The following MID1 variants were observed in gnomAD, a reference collection of about 807,000 sequenced individuals.
MID1 encodes the protein E3 ubiquitin-protein ligase Midline-1.
Under a neutral mutation model 40.4 loss-of-function variants are expected in MID1, and 7 were observed. The observed-to-expected ratio is 0.17, with a 90% CI of 0.10 to 0.33. The LOEUF (loss-of-function observed/expected upper bound fraction) is 0.33, where lower values mean the gene tolerates loss of function less well. Among genes scored for constraint, MID1 ranks in the 10% least tolerant of loss-of-function variants. The pLI is 1.00. For missense variants in MID1, 367 were observed against 558.5 expected, an observed-to-expected ratio of 0.66 and a Z score of 3.46; for synonymous variants, 229 against 221.2, an observed-to-expected ratio of 1.04 and a Z score of -0.31.
chrX:10,649,105 G>A (rs190974159), intron 1 of MID1, among the ~76,000 whole-genome samples: 2 of 111,502 alleles, frequency 1.8e-5, no homozygotes, highest in African/African-American at 6.5e-5. Flanking sequence ...ATAAGTATGG[G>A]GAAATGGCTT....
At chrX:10,450,508 C>CTATT (rs1018745996) in intron 9 of MID1, among the ~76,000 whole-genome samples, 4 of 112,376 alleles carry the variant, frequency 3.6e-5, no homozygotes, top group African/African-American at 1.3e-4. Flanking sequence ...TCAGTAACTG[C>CTATT]TATTTATTTT....
intron 1 of MID1, among the ~76,000 whole-genome samples, chrX:10,735,929 C>A (rs190563048): frequency 5.3e-4 from 59 of 111,316 alleles, no homozygotes; most frequent in Middle Eastern, 9.3e-3. Flanking sequence ...ACTGCACCAG[C>A]CTATATAGTT....
At chrX:10,675,923 T>C (rs1217115596) in intron 1 of MID1, among the ~76,000 whole-genome samples, 15 of 112,011 alleles carry the variant, frequency 1.3e-4, no homozygotes, top group Non-Finnish European at 5.6e-5. Flanking sequence ...ATAAAGTTCT[T>C]CAAGTTCCAT....
At chrX:10,465,214 TAC>T (rs775197915) in intron 7 of MID1, among the ~76,000 whole-genome samples, 3,940 of 39,675 alleles carry the variant, frequency 0.099, 194 homozygotes, top group Non-Finnish European at 0.12. Flanking sequence ...TATATATATA[TAC>T]ACACACACAC....
At chrX:10,614,067 A>G (rs1209278891) in intron 1 of MID1, among the ~76,000 whole-genome samples, 1 of 110,165 alleles carries the variant, frequency 9.1e-6, no homozygotes, top group African/African-American at 3.3e-5. Context: ...TGGGGATTCA[A>G]AGGTAATTAA....
intron 2 of MID1, among the ~76,000 whole-genome samples, chrX:10,535,994 A>G (rs1367973730): frequency 9.0e-6 from 1 of 110,787 alleles, no homozygotes; most frequent in Non-Finnish European, 1.9e-5. Flanking sequence ...CCAAGGCTGG[A>G]GGATCACTTG....
At chrX:10,722,642 C>G (rs1390864443) in intron 1 of MID1, among the ~76,000 whole-genome samples, 2 of 111,634 alleles carry the variant, frequency 1.8e-5, no homozygotes, top group Non-Finnish European at 3.8e-5. Context: ...TTTATGATAT[C>G]AGCAGAAATT....
At position 10,710,054 on chromosome X, in the gene MID1, T is replaced by C. The variant is rs965338864; in HGVS notation, c.-186-89635A>G. Among the ~76,000 whole-genome samples the C allele has an allele frequency of 4.5e-5, 5 of 111,668 alleles. No individual in the cohort carries two copies. The Admixed American group carries it at 4.8e-4, about 11-fold the overall frequency. On this transcript the variant is annotated intron_variant, in intron 1 of 10. Transcript: ENST00000380785. ...GTCTAGCCATTGGGGGAAGATTATG[T>C]GTCTGGGGTTGTCTGGGGAAAGAAG...
At chrX:10,720,667 G>A (rs1338697822) in intron 1 of MID1, among the ~76,000 whole-genome samples, 1 of 111,625 alleles carries the variant, frequency 9.0e-6, no homozygotes, top group Non-Finnish European at 1.9e-5. Flanking sequence ...AGAACTAGAA[G>A]TACCATTTGA....
intron 1 of MID1, among the ~76,000 whole-genome samples, chrX:10,591,470 A>G (rs1038311752): frequency 2.7e-5 from 3 of 112,159 alleles, no homozygotes; most frequent in African/African-American, 9.7e-5. Context: ...AGTTAGTTTC[A>G]CAACTTTAGT....
At chrX:10,487,157 G>A (rs1930661252) in intron 4 of MID1, among the ~76,000 whole-genome samples, 1 of 111,801 alleles carries the variant, frequency 8.9e-6, no homozygotes, top group African/African-American at 3.3e-5. Flanking sequence ...ACCACACCTG[G>A]TGGTAAAATA....
At chrX:10,473,409 A>T (rs968282200) in intron 6 of MID1, among the ~76,000 whole-genome samples, 5 of 112,157 alleles carry the variant, frequency 4.5e-5, no homozygotes, top group African/African-American at 1.6e-4. Flanking sequence ...ATAAGATAAG[A>T]AGTTTGTGGA....
At chrX:10,760,911 G>A (rs58245235) in intron 1 of MID1, among the ~76,000 whole-genome samples, 4,892 of 111,833 alleles carry the variant, frequency 0.044, 236 homozygotes, top group African/African-American at 0.15. Context: ...TGACAAGTCC[G>A]TAATTATCTT....
chrX:10,831,483 C>T (rs1254504558), intron 1 of MID1, among the ~76,000 whole-genome samples: 1 of 111,520 alleles, frequency 9.0e-6, no homozygotes, highest in Non-Finnish European at 1.9e-5. Context: ...CATGCAAGCA[C>T]GCAGTACTGT....
chrX:10,639,886 C>T (rs1233736382), intron 1 of MID1, among the ~76,000 whole-genome samples: 1 of 111,746 alleles, frequency 8.9e-6, no homozygotes, highest in Non-Finnish European at 1.9e-5. Context: ...AAAGAATTTT[C>T]AACCCAGAAT....
At chrX:10,771,774 G>C (rs939906324) in intron 1 of MID1, among the ~76,000 whole-genome samples, 3 of 107,123 alleles carry the variant, frequency 2.8e-5, no homozygotes, top group Non-Finnish European at 5.8e-5. Context: ...CTCCCAAAGT[G>C]CTGGGATTAC....
chrX:10,607,807 CAG>C (rs774497284), intron 1 of MID1, among the ~76,000 whole-genome samples: 35 of 112,218 alleles, frequency 3.1e-4, no homozygotes, highest in Non-Finnish European at 5.3e-4. Context: ...CTGAGTGTCT[CAG>C]AGTATAAATT....
intron 1 of MID1, among the ~76,000 whole-genome samples, chrX:10,771,470 C>T (rs764914958): frequency 3.7e-5 from 4 of 109,008 alleles, no homozygotes; most frequent in South Asian, 4.0e-4. Flanking sequence ...TTTTAAACGA[C>T]GCTTTCTATT....
chrX:10,819,223 G>C (rs185157412), intron 1 of MID1, among the ~76,000 whole-genome samples: 1,559 of 95,926 alleles, frequency 0.016, 16 homozygotes, highest in Middle Eastern at 0.035. Flanking sequence ...CAGAGACAGT[G>C]AGAGAGAGAG....
Sources: allele counts gnomAD v4.1 joint callset (sites outside exome capture counted in the v4.1 genomes callset), GRCh38; gene constraint gnomAD v4.1.1; transcripts MANE v1.5; gene names NCBI Gene and HGNC (gene_info 2026-07-23, HGNC 2026-07-21).